The following RYR1 variants were observed in gnomAD, a reference collection of about 807,000 sequenced individuals.
RYR1 encodes the protein central core disease of muscle.
Under a neutral mutation model 583.5 loss-of-function variants are expected in RYR1, and 342 were observed. That is an observed-to-expected ratio of 0.59 (90% CI 0.54 to 0.64). The LOEUF is 0.64. Among genes scored for constraint, RYR1 ranks in the 30% least tolerant of loss-of-function variants. The pLI is 0.00. For missense variants in RYR1, 6,032 were observed against 6,917.2 expected, an observed-to-expected ratio of 0.87 and a Z score of 4.54; for synonymous variants, 2,791 against 2,822.5, an observed-to-expected ratio of 0.99 and a Z score of 0.35.
Position 38,469,531 on chromosome 19 carries a change from C to G in RYR1, c.3765+18C>G. ...ACTATGAGGTAAGGACTGAGCCCCT[C>G]AATGCCTTCTCATCTGCCTCCAAAG... On this transcript the variant is annotated intron_variant, in intron 27 of 105. Coordinates refer to ENST00000359596, the MANE Select transcript of RYR1 (RefSeq NM_000540.3). The G allele has an allele frequency of 6.2e-7, 1 of 1,609,334 alleles. No homozygotes were observed. The highest frequency in any genetic ancestry group is 1.1e-5 in the South Asian group (1 of 90,976).
rs375632461 is a variant in RYR1 at position 38,502,913 on chromosome 19, G to A, written c.7869G>A (p.Leu2623=). The A allele has an allele frequency of 1.2e-4, 192 of 1,611,780 alleles. No homozygotes were observed. The highest frequency in any genetic ancestry group is 2.5e-4 in the South Asian group (23 of 91,080). ...GCCCGTCGATGCTGCAGCACCTGTT[G>A]CGCCGCCTGGTGTTCGACGTGCCCA... is the stretch of plus-strand genomic sequence containing the variant. ...YIRPSMLQHL[L]RRLVFDVPIL... The change falls in exon 49 of 106, where the codon TTG becomes TTA. Residue 2623 remains leucine (L), a synonymous_variant. Coordinates refer to ENST00000359596, the MANE Select transcript of RYR1 (RefSeq NM_000540.3).
intron 23 of RYR1, 134 bp downstream of exon 23, chr19:38,464,856 G>T (rs1214983948): frequency 4.1e-6 from 3 of 739,224 alleles, no homozygotes; most frequent in Non-Finnish European, 7.1e-6. Flanking sequence ...TAGGGTGAAG[G>T]TCATAGGGTC....
chr19:38,460,260 T>C (rs1600690708), intron 19 of RYR1, 115 bp from the exon 20 acceptor site: 2 of 948,280 alleles, frequency 2.1e-6, no homozygotes, highest in South Asian at 1.3e-5. Flanking sequence ...CCCGGTGACC[T>C]TTGGTCTCCC....
At chr19:38,577,839 T>A in intron 97 of RYR1, 79 bp from the exon 98 acceptor site, 1 of 1,585,394 alleles carries the variant, frequency 6.3e-7, no homozygotes, top group Admixed American at 1.7e-5. Flanking sequence ...GTTTGGAGTG[T>A]CCCCAGAACC....
chr19:38,520,234 G>A (rs946611190), intron 67 of RYR1, among the ~76,000 whole-genome samples: 13 of 151,048 alleles, frequency 8.6e-5, no homozygotes, highest in African/African-American at 2.2e-4. Flanking sequence ...CAACATGCTC[G>A]GCTAATTCTT....
chr19:38,564,374 A>C (rs542614836), intron 90 of RYR1, among the ~76,000 whole-genome samples: 1 of 152,122 alleles, frequency 6.6e-6, no homozygotes, highest in Admixed American at 6.6e-5. Context: ...AAATTCAAAA[A>C]CTCAGCCCAG....
At chr19:38,458,358 C>T in intron 18 of RYR1, 66 bp downstream of exon 18, 1 of 1,523,968 alleles carries the variant, frequency 6.6e-7, no homozygotes. Flanking sequence ...AAGTCTCTGA[C>T]CATACACCTT....
At chr19:38,457,733 C>T in intron 17 of RYR1, 103 bp downstream of exon 17, 2 of 1,249,310 alleles carry the variant, frequency 1.6e-6, no homozygotes, top group Non-Finnish European at 2.3e-6. Context: ...AATCTCCCAC[C>T]CCAGGGTTAA....
At chr19:38,502,817 AGGGGCAGGG>A in intron 48 of RYR1, 54 bp from the exon 49 acceptor site, 3 of 1,198,870 alleles carry the variant, frequency 2.5e-6, no homozygotes, top group South Asian at 2.8e-5. Flanking sequence ...GGGGAGGAGC[AGGGGCAGGG>A]GCAGCAGAGC....
intron 83 of RYR1, among the ~76,000 whole-genome samples, chr19:38,537,451 A>G (rs1333849329): frequency 2.6e-5 from 4 of 151,960 alleles, no homozygotes; most frequent in African/African-American, 9.7e-5. Flanking sequence ...TCCCAGCCCA[A>G]TCTTCCCCTG....
rs920828363 is a variant in RYR1, at chr19:38,444,811, C to T, written c.631+134C>T. 1 of 695,392 alleles carries T rather than the reference C, an allele frequency of 1.4e-6. No individual in the cohort carries two copies. The highest frequency in any genetic ancestry group is 2.2e-5 in the Admixed American group (1 of 44,534). The allele number at this position is 695,392 out of a possible 1,614,324, so 43.1% of individuals were successfully genotyped here. A position where few individuals can be genotyped will look rare whatever the true frequency, so the allele number is the denominator to read the frequency against. ...AGATCTCCAAATTATGGCTCTCACA[C>T]TTAGATCTCCAGCTGACCCCAAATC... On this transcript the variant is annotated intron_variant, in intron 7 of 105. Transcript: ENST00000359596. The surrounding 1 kb of genome is among the most constrained non-coding windows in gnomAD (Gnocchi z 5.1).
chr19:38,583,240 T>G (rs1457201603), intron 101 of RYR1, among the ~76,000 whole-genome samples: 2 of 144,876 alleles, frequency 1.4e-5, no homozygotes, highest in Non-Finnish European at 3.0e-5. Flanking sequence ...GAGGTTGCAG[T>G]GAGCCGAGAT....
At position 38,542,988 on chromosome 19, in the gene RYR1, C is replaced by T. The variant is rs991628740; in HGVS notation, c.11690-359C>T. Among the ~76,000 whole-genome samples the T allele has an allele frequency of 2.6e-5, 4 of 151,420 alleles. 1 individual carries two copies. Among genetic ancestry groups the T allele is most frequent in the Non-Finnish European group, 4.4e-5 (3 of 67,968 alleles). ...TCCCAAGTAGTTAGGATTGCAGGTG[C>T]CCACCACCACACCCAGCTAATTTTT... On this transcript the variant is annotated intron_variant, in intron 84 of 105. Coordinates refer to ENST00000359596, the MANE Select transcript of RYR1 (RefSeq NM_000540.3).
chr19:38,475,839 G>T (rs913020732), intron 29 of RYR1, among the ~76,000 whole-genome samples: 3 of 152,174 alleles, frequency 2.0e-5, no homozygotes, highest in African/African-American at 7.2e-5. Flanking sequence ...TCTTAATATA[G>T]TTTTGGGATT....
chr19:38,579,900 ACT>A (rs1974121231), intron 99 of RYR1, 80 bp from the exon 100 acceptor site: 1 of 1,589,248 alleles, frequency 6.3e-7, no homozygotes, highest in Non-Finnish European at 8.6e-7. Flanking sequence ...GGCACAGCTG[ACT>A]CTCGAGTGGC....
At chr19:38,521,253 C>T (rs571839126) in intron 67 of RYR1, among the ~76,000 whole-genome samples, 12 of 151,304 alleles carry the variant, frequency 7.9e-5, no homozygotes, top group African/African-American at 2.2e-4. Context: ...ATGATCACAC[C>T]GCTGCACTCC....
At chr19:38,581,196 G>C (rs1974190808) in intron 101 of RYR1, among the ~76,000 whole-genome samples, 1 of 151,916 alleles carries the variant, frequency 6.6e-6, no homozygotes, top group Admixed American at 6.6e-5. Context: ...TCCTGCCTCT[G>C]CCTCCCGAGT....
intron 104 of RYR1, among the ~76,000 whole-genome samples, 162 bp downstream of exon 104, chr19:38,586,353 G>T (rs551930471): frequency 6.6e-6 from 1 of 152,290 alleles, no homozygotes; most frequent in South Asian, 2.1e-4. Context: ...CCGCAAGATG[G>T]TTCACACCTG....
At chr19:38,539,238 C>CTTTTTTTTTTTT (rs766181329) in intron 84 of RYR1, among the ~76,000 whole-genome samples, 1 of 118,714 alleles carries the variant, frequency 8.4e-6, no homozygotes, top group Non-Finnish European at 1.8e-5. Flanking sequence ...AAGATTTTTT[C>CTTTTTTTTTTTT]TTTTTTTTTT....
Sources: allele counts gnomAD v4.1 joint callset (sites outside exome capture counted in the v4.1 genomes callset), GRCh38; gene constraint gnomAD v4.1.1; non-coding constraint Gnocchi (gnomAD v3.1); transcripts MANE v1.5; gene names NCBI Gene and HGNC (gene_info 2026-07-23, HGNC 2026-07-21).